The following COL21A1 variants were observed in gnomAD, a reference collection of about 807,000 sequenced individuals.
COL21A1 encodes the protein collagen alpha-1(XXI) chain.
A neutral mutation model predicts 137.9 loss-of-function variants in COL21A1; 149 were observed. The observed-to-expected ratio is 1.08, with a 90% CI of 0.95 to 1.24. The LOEUF is 1.24. COL21A1 is among the 50% of genes most tolerant of loss of function. The pLI is 0.00. For missense variants in COL21A1, 1,167 were observed against 1,158.4 expected, an observed-to-expected ratio of 1.01 and a Z score of -0.11; for synonymous variants, 456 against 391.5, an observed-to-expected ratio of 1.16 and a Z score of -1.95.
At chr6:56,193,525 C>T (rs535269578) in intron 1 of COL21A1, among the ~76,000 whole-genome samples, 1 of 152,134 alleles carries the variant, frequency 6.6e-6, no homozygotes, top group South Asian at 2.1e-4. Context: ...GAAACCTTTG[C>T]CTGAAAGTGG....
intron 1 of COL21A1, among the ~76,000 whole-genome samples, chr6:56,260,579 A>AAAG (rs1562028599): frequency 2.6e-5 from 1 of 38,278 alleles, no homozygotes; most frequent in African/African-American, 5.3e-5. Context: ...ATCAAAAAAA[A>AAAG]AAAAGAAAGA....
chr6:56,091,787 A>G (rs1375529962), intron 17 of COL21A1: 3 of 152,234 alleles, frequency 2.0e-5, no homozygotes, highest in African/African-American at 7.2e-5. Context: ...TTGGTTGGCA[A>G]GAATTGACCA....
intron 16 of COL21A1, 81 bp from the exon 17 acceptor site, chr6:56,101,606 A>G (rs2152167547): frequency 1.1e-6 from 1 of 916,216 alleles, no homozygotes; most frequent in South Asian, 1.5e-5. Flanking sequence ...AACATTACAT[A>G]TTAAAGAACA....
intron 12 of COL21A1, among the ~76,000 whole-genome samples, chr6:56,132,348 T>C (rs765053010): frequency 6.6e-6 from 1 of 151,896 alleles, no homozygotes; most frequent in Non-Finnish European, 1.5e-5. Context: ...TCTAAAAAAT[T>C]GAAGGAAAGA....
At chr6:56,274,320 C>G (rs892557601) in intron 1 of COL21A1, among the ~76,000 whole-genome samples, 3 of 152,100 alleles carry the variant, frequency 2.0e-5, no homozygotes, top group Non-Finnish European at 4.4e-5. Context: ...ACAAGAATGC[C>G]TACTCTCACC....
chr6:56,148,370 A>AGAGAGAGAGAGAGAGAGAGAC (rs1471650902), intron 10 of COL21A1, among the ~76,000 whole-genome samples: 3 of 25,448 alleles, frequency 1.2e-4, no homozygotes, highest in African/African-American at 2.4e-4. Flanking sequence ...GAGAGAGAGA[A>AGAGAGAGAGAGAGAGAGAGAC]ACACATAAAA....
intron 19 of COL21A1, among the ~76,000 whole-genome samples, chr6:56,074,724 T>A (rs1767057277): frequency 6.6e-6 from 1 of 151,522 alleles, no homozygotes; most frequent in Admixed American, 6.6e-5. Context: ...CTCTGGATAA[T>A]CTTTCTTCAG....
At chr6:56,304,653 A>T (rs1208787553) in intron 1 of COL21A1, among the ~76,000 whole-genome samples, 1 of 152,108 alleles carries the variant, frequency 6.6e-6, no homozygotes, top group Admixed American at 6.5e-5. Context: ...CTAGCAGTCT[A>T]TCAATGTTGT....
At chr6:56,348,437 T>C (rs1166729219) in intron 1 of COL21A1, among the ~76,000 whole-genome samples, 1 of 152,172 alleles carries the variant, frequency 6.6e-6, no homozygotes, top group East Asian at 1.9e-4. Context: ...CATAAGCTAC[T>C]GCACAGGAGT....
intron 12 of COL21A1, among the ~76,000 whole-genome samples, chr6:56,140,073 A>G (rs2152235058): frequency 6.6e-6 from 1 of 152,296 alleles, no homozygotes; most frequent in East Asian, 1.9e-4. Context: ...TTCAAACTCA[A>G]TTTGAAAATT....
chr6:56,135,605 T>C (rs1310262143), intron 12 of COL21A1, among the ~76,000 whole-genome samples: 1 of 152,154 alleles, frequency 6.6e-6, no homozygotes, highest in Non-Finnish European at 1.5e-5. Flanking sequence ...CCGAGGACTT[T>C]TCCTGTTGAT....
At chr6:56,307,675 T>C (rs1764503075) in intron 1 of COL21A1, among the ~76,000 whole-genome samples, 2 of 152,214 alleles carry the variant, frequency 1.3e-5, no homozygotes, top group South Asian at 2.1e-4. Flanking sequence ...TCTTCCTGGG[T>C]GAGGCAATGC....
At chr6:56,066,389 G>A (rs1014090801) in intron 23 of COL21A1, among the ~76,000 whole-genome samples, 2 of 151,916 alleles carry the variant, frequency 1.3e-5, no homozygotes, top group African/African-American at 2.4e-5. Context: ...TTTCTGTTAC[G>A]ATTCCAGAAA....
upstream of COL21A1, among the ~76,000 whole-genome samples, chr6:56,248,243 A>G (rs754471517): frequency 2.7e-4 from 41 of 152,038 alleles, no homozygotes; most frequent in Non-Finnish European, 5.4e-4. Context: ...ACCCGTGTGC[A>G]CCCCTCCTAC....
rs555416823 is a variant in COL21A1, at chr6:56,369,865, C to T, written c.-39+24106G>A. ...CCAATTGATATTCAGAGTGAATGTA[C>T]AGCTATTAAAGGTAATCACACTCAG... On this transcript the variant is annotated intron_variant, in intron 1 of 28. Transcript: ENST00000370819. 6.6e-5 allele frequency among the ~76,000 whole-genome samples: 10 copies of T among 152,244 alleles called. No homozygotes were observed. The East Asian group carries it at 1.7e-3, about 26-fold the overall frequency.
intron 1 of COL21A1, among the ~76,000 whole-genome samples, chr6:56,316,020 G>A (rs542456623): frequency 6.6e-6 from 1 of 152,142 alleles, no homozygotes; most frequent in Admixed American, 6.5e-5. Context: ...AATAGATCTG[G>A]GAGAACAAAA....
intron 1 of COL21A1, among the ~76,000 whole-genome samples, chr6:56,353,270 T>C (rs904395273): frequency 6.6e-6 from 1 of 152,118 alleles, no homozygotes; most frequent in Non-Finnish European, 1.5e-5. Flanking sequence ...ACAGCTTCTG[T>C]CCACCTTAAG....
chr6:56,162,498 G>A (rs1235975363), intron 9 of COL21A1, among the ~76,000 whole-genome samples: 1 of 152,170 alleles, frequency 6.6e-6, no homozygotes, highest in Non-Finnish European at 1.5e-5. Context: ...AAGTACATGA[G>A]TAAAAATAGG....
chr6:56,364,288 C>T (rs572339301), intron 1 of COL21A1, among the ~76,000 whole-genome samples: 4 of 151,994 alleles, frequency 2.6e-5, no homozygotes, highest in Admixed American at 6.6e-5. Context: ...AAAACCTAGG[C>T]GGCGACCTTT....
Sources: allele counts gnomAD v4.1 joint callset (sites outside exome capture counted in the v4.1 genomes callset), GRCh38; gene constraint gnomAD v4.1.1; transcripts MANE v1.5; gene names NCBI Gene and HGNC (gene_info 2026-07-23, HGNC 2026-07-21).